The following PUF60 variants were observed in gnomAD, a reference collection of about 807,000 sequenced individuals.
PUF60 encodes poly(U)-binding-splicing factor PUF60.
In PUF60, 10 loss-of-function variants were observed where a neutral mutation model predicts 61.8. The ratio of observed to expected loss-of-function variants is 0.16; its 90% CI spans 0.10 to 0.27. PUF60 has a LOEUF of 0.27. Ranked by LOEUF, PUF60 falls within the 10% of genes least tolerant of loss-of-function variation. The pLI, the probability that PUF60 is intolerant of heterozygous loss-of-function variation, is 1.00. For missense variants in PUF60, 371 were observed against 754.0 expected (o/e 0.49, Z 5.95); for synonymous variants, 353 against 300.9 (o/e 1.17, Z -1.79).
Position 143,829,292 on chromosome 8 carries a change from C to T in PUF60, c.12G>A (p.Ala4=), listed in dbSNP as rs1408822660. Residue 4 remains alanine, a synonymous_variant, in exon 1 of 12, where the codon GCG becomes GCA. Coordinates refer to ENST00000526683, the MANE Select transcript of PUF60 (RefSeq NM_078480.3). ...GGGGCTCACTTACGAGAGCTATGGTCGCCGTCGCCATCTTGCGTCCGTCGC... is the reference window on the plus strand; with the variant it reads ...GGGGCTCACTTACGAGAGCTATGGTTGCCGTCGCCATCTTGCGTCCGTCGC... MAT[A]TIALQVNGQQ... The T allele has an allele frequency of 2.8e-5, 35 of 1,267,664 alleles. No homozygotes were observed. Among genetic ancestry groups the T allele is most frequent in the Non-Finnish European group, 3.3e-5 (33 of 999,796 alleles). 78.5% of individuals were successfully genotyped at this position (1,267,664 alleles called of 1,614,324 possible).
rs1295446425 is a variant in PUF60, at chr8:143,818,638, AGGGCTCCCCACATGACAGGGAGGTGC to A, written c.349-130_349-105del. ...CCACCCACCCAGCCCTGCTGTGGGG[AGGGCTCCCCACATGACAGGGAGGTGC>A]GGGCTCCATCCCTGCAGTCATAGTG... On this transcript the variant is annotated intron_variant, in intron 5 of 11. Transcript: ENST00000526683. The surrounding 1 kb of genome is among the most constrained non-coding windows in gnomAD (Gnocchi z 7.9). 4.8e-6 allele frequency: 6 copies of A among 1,251,314 alleles called. No homozygotes were observed. The highest frequency in any genetic ancestry group is 4.7e-5 in the African/African-American group (3 of 63,554). 77.5% of individuals were successfully genotyped at this position (1,251,314 alleles called of 1,614,324 possible).
At chr8:143,825,828 G>C (rs1447938255) in intron 1 of PUF60, among the ~76,000 whole-genome samples, 1 of 152,230 alleles carries the variant, frequency 6.6e-6, no homozygotes, top group Non-Finnish European at 1.5e-5. Context: ...AGATACCCGT[G>C]AACAGGGTGA....
chr8:143,816,445 C>CG lies in PUF60; in HGVS notation c.*74dup. ...GGGCTGGGCAGAGCGCGCCTGGCCC[C>CG]GGGGACACCACTGTATCACTATAAA... On this transcript the variant is annotated 3_prime_UTR_variant, in exon 12 of 12. Coordinates refer to ENST00000526683, the MANE Select transcript of PUF60 (RefSeq NM_078480.3). 1.3e-6 allele frequency: 2 copies of CG among 1,509,676 alleles called. No homozygotes were observed. The highest frequency in any genetic ancestry group is 1.8e-6 in the Non-Finnish European group (2 of 1,126,336). 93.5% of individuals were successfully genotyped at this position (1,509,676 alleles called of 1,614,324 possible). A position where few individuals can be genotyped will look rare whatever the true frequency, so the allele number is the denominator to read the frequency against.
At position 143,817,947 on chromosome 8, in the gene PUF60, G is replaced by A. The variant is rs373238114; in HGVS notation, c.732C>T (p.Ser244=). Residue 244 remains serine, a synonymous_variant, in exon 8 of 12, where the codon AGC becomes AGT. Transcript: ENST00000526683. The surrounding 1 kb of genome is among the most constrained non-coding windows in gnomAD (Gnocchi z 7.4). ...HQDLSDDDIK[S]VFEAFGKIKS... is the part of the protein sequence containing the mutation. ...TGATCTTGCCAAAGGCCTCAAACAC[G>A]CTCTTGATGTCATCGTCTGAGAGGT... The A allele has an allele frequency of 1.4e-5, 23 of 1,612,898 alleles. No homozygotes were observed. In the South Asian group the frequency reaches 1.5e-4, roughly 11 times the overall value.
intron 1 of PUF60, among the ~76,000 whole-genome samples, chr8:143,825,384 T>C (rs927270350): frequency 1.3e-5 from 2 of 152,220 alleles, no homozygotes; most frequent in African/African-American, 4.8e-5. Flanking sequence ...AGCCCGTGCC[T>C]GGAGCTGCTC....
chr8:143,816,634 G>A lies in PUF60; in HGVS notation c.1566C>T (p.Ala522=), dbSNP rs759126763. Reference sequence around the variant, plus strand: ...CCTGGATGGCCTTATGAGTCTCAGAGGCTATGGAAAACTCCACAAAGATCT... The same window carrying A: ...CCTGGATGGCCTTATGAGTCTCAGAAGCTATGGAAAACTCCACAAAGATCT... The part of the protein sequence containing the change: ...IVKIFVEFSI[A]SETHKAIQAL... Residue 522 remains alanine (A), a synonymous_variant, in exon 12 of 12, where the codon GCC becomes GCT. Transcript: ENST00000526683. The A allele has an allele frequency of 3.7e-6, 6 of 1,613,826 alleles. No individual in the cohort carries two copies. The highest frequency in any genetic ancestry group is 1.7e-4 in the Middle Eastern group (1 of 6,060).
intron 1 of PUF60, chr8:143,828,980 G>A (rs1554648992): frequency 5.0e-6 from 5 of 991,120 alleles, no homozygotes; most frequent in Non-Finnish European, 6.0e-6. Flanking sequence ...CCCGCTTGCC[G>A]GACCTAGCGG....
chr8:143,821,723 G>T, intron 3 of PUF60, 37 bp from the exon 4 acceptor site: 2 of 1,545,804 alleles, frequency 1.3e-6, no homozygotes, highest in East Asian at 2.4e-5. Flanking sequence ...TGGGGGCCCA[G>T]CCCATGGGAG....
chr8:143,818,445 G>A lies in PUF60; in HGVS notation c.438C>T (p.Arg146=). The A allele has an allele frequency of 2.5e-6, 4 of 1,612,102 alleles. No homozygotes were observed. The highest frequency in any genetic ancestry group is 2.5e-6 in the Non-Finnish European group (3 of 1,179,562). Residue 146 remains arginine, a synonymous_variant, in exon 6 of 12, where the codon CGC becomes CGT. Transcript: ENST00000526683. This position sits in a 1 kb window ranked among gnomAD's most constrained non-coding sequence, Gnocchi z 7.9. ...IYYELGEDTI[R]QAFAPFGPIK... ...TGGGGCCAAAGGGGGCAAAGGCCTG[G>A]CGGATGGTGTCCTCCCCCAGCTCAT...
chr8:143,822,262 G>A (rs1304812549), intron 2 of PUF60, among the ~76,000 whole-genome samples: 1 of 152,184 alleles, frequency 6.6e-6, no homozygotes, highest in African/African-American at 2.4e-5. Flanking sequence ...ATGCCCGGCA[G>A]GAGAGCCAGC....
chr8:143,818,594 A>G lies in PUF60; in HGVS notation c.349-60T>C. On this transcript the variant is annotated intron_variant, in intron 5 of 11. Coordinates refer to ENST00000526683, the MANE Select transcript of PUF60 (RefSeq NM_078480.3). This position sits in a 1 kb window ranked among gnomAD's most constrained non-coding sequence, Gnocchi z 7.9. ...CGTCAGGGGCGGCAGGAAGCTGGGCAGCCCACTCCCCTCCTGGCCCACCCA... is the reference window on the plus strand; with the variant it reads ...CGTCAGGGGCGGCAGGAAGCTGGGCGGCCCACTCCCCTCCTGGCCCACCCA... 6.7e-7 allele frequency: 1 copy of G among 1,488,390 alleles called. No individual in the cohort carries two copies. Among genetic ancestry groups the G allele is most frequent in the Non-Finnish European group, 9.0e-7 (1 of 1,113,708 alleles). The allele number at this position is 1,488,390 out of a possible 1,614,324, so 92.2% of individuals were successfully genotyped here.
Position 143,817,333 on chromosome 8 carries a change from G to A in PUF60, c.1142C>T (p.Thr381Ile). Residue 381 changes from threonine (T) to isoleucine (I), a missense_variant and splice_region_variant, in exon 10 of 12, where the codon ACA becomes ATA. Physicochemically the swap from Thr to Ile is moderately conservative, Grantham distance 89 (BLOSUM62 -1). Around this residue, in one of 13 missense-constraint regions of PUF60, gnomAD observed 31 missense variants for 61.6 expected, o/e 0.50. Transcript: ENST00000526683. The surrounding 1 kb of genome is among the most constrained non-coding windows in gnomAD (Gnocchi z 7.4). ...ATCTGGTACCACTTAAGACTCACCT[G>A]TGATGACTCCAGGTGCCTGGGCAGC... is the stretch of plus-strand genomic sequence containing the variant. ...VMAAQAPGVI[T>I]GVTPARPPIP... The A allele has an allele frequency of 1.3e-6, 2 of 1,588,900 alleles. No homozygotes were observed. Among genetic ancestry groups the A allele is most frequent in the Non-Finnish European group, 1.7e-6 (2 of 1,172,584 alleles).
In PUF60 at chr8:143,821,630, G is replaced by A. The variant is rs373891353; in HGVS notation, c.264C>T (p.Ile88=). Residue 88 remains isoleucine (I), a synonymous_variant, in exon 4 of 12, where the codon ATC becomes ATT. Coordinates refer to ENST00000526683, the MANE Select transcript of PUF60 (RefSeq NM_078480.3). ...TGGTGAGCTGCTGCTGCTGGTGCGC[G>A]ATGGTCTGCTTCACCAGCACACTCT... ...SIKSVLVKQT[I]AHQQQQLTNL... is the part of the protein sequence containing the mutation. 1.7e-5 allele frequency: 26 copies of A among 1,545,878 alleles called. No homozygotes were observed. The highest frequency in any genetic ancestry group is 1.9e-5 in the Non-Finnish European group (22 of 1,147,090).
chr8:143,824,409 G>C lies in PUF60; in HGVS notation c.25-10C>G. On this transcript the variant is annotated splice_polypyrimidine_tract_variant and intron_variant, in intron 1 of 11. Transcript: ENST00000526683. ...GCTGGCCATTGACCTGCTGCAGGCAGGAAGGAGATGTTGTAACGACAGGCA... is the reference window on the plus strand; with the variant it reads ...GCTGGCCATTGACCTGCTGCAGGCACGAAGGAGATGTTGTAACGACAGGCA... 1 of 1,610,740 alleles carries C rather than the reference G, an allele frequency of 6.2e-7. No homozygotes were observed. The highest frequency in any genetic ancestry group is 8.5e-7 in the Non-Finnish European group (1 of 1,179,654).
Position 143,816,503 on chromosome 8 carries a change from G to T in PUF60, c.*17C>A, listed in dbSNP as rs369253416. 1.9e-6 allele frequency: 3 copies of T among 1,594,986 alleles called. No homozygotes were observed. In the East Asian group the frequency reaches 6.7e-5, roughly 36 times the overall value. ...GGAAACAAGGAACAAGTGCAAGTCCGGGGAGAGGGACCACTGTCACGCAGA... is the reference window on the plus strand; with the variant it reads ...GGAAACAAGGAACAAGTGCAAGTCCTGGGAGAGGGACCACTGTCACGCAGA... On this transcript the variant is annotated 3_prime_UTR_variant, in exon 12 of 12. Coordinates refer to ENST00000526683, the MANE Select transcript of PUF60 (RefSeq NM_078480.3).
rs754840225 is a variant in PUF60, at chr8:143,817,055, A to G, written c.1235T>C (p.Leu412Pro). ...PILASPPTLG[L>P]LEPKKEKEEE... ...TTCCTTCTCCTTCTTGGGCTCCAGGAGACCCAGCGTTGGAGGGCTGGCCAG... is the reference window on the plus strand; with the variant it reads ...TTCCTTCTCCTTCTTGGGCTCCAGGGGACCCAGCGTTGGAGGGCTGGCCAG... The change falls in exon 11 of 12, where the codon CTC becomes CCC. Residue 412 changes from leucine to proline, a missense_variant. Coordinates refer to ENST00000526683, the MANE Select transcript of PUF60 (RefSeq NM_078480.3). The surrounding 1 kb of genome is among the most constrained non-coding windows in gnomAD (Gnocchi z 7.4). 1 of 1,611,556 alleles carries G rather than the reference A, an allele frequency of 6.2e-7. No homozygotes were observed.
At chr8:143,822,754 G>A in intron 2 of PUF60, 1 of 355,616 alleles carries the variant, frequency 2.8e-6, no homozygotes. Flanking sequence ...GAAGAACGCA[G>A]CTGTGTGAGC....
At chr8:143,819,856 G>C (rs1156941210) in intron 5 of PUF60, among the ~76,000 whole-genome samples, 1 of 151,958 alleles carries the variant, frequency 6.6e-6, no homozygotes, top group South Asian at 2.1e-4. Context: ...GGCAGGCCAA[G>C]AGCTCTCTCC....
rs1301332513 is a variant in PUF60 at position 143,818,782 on chromosome 8, T to C, written c.349-248A>G. 1.9e-5 allele frequency: 10 copies of C among 539,624 alleles called. 1 individual carries two copies. The Admixed American group carries it at 2.0e-4, about 11-fold the overall frequency. 33.4% of individuals were successfully genotyped at this position (539,624 alleles called of 1,614,324 possible). A position where few individuals can be genotyped will look rare whatever the true frequency, so the allele number is the denominator to read the frequency against. ...CAGCCCGCCAAGGTCCCAGGCAGAC[T>C]GCGGCAGCAAAGCCGACAGATGGTC... On this transcript the variant is annotated intron_variant, in intron 5 of 11. Coordinates refer to ENST00000526683, the MANE Select transcript of PUF60 (RefSeq NM_078480.3). This position sits in a 1 kb window ranked among gnomAD's most constrained non-coding sequence, Gnocchi z 7.9.
Sources: allele counts gnomAD v4.1 joint callset (sites outside exome capture counted in the v4.1 genomes callset), GRCh38; gene constraint gnomAD v4.1.1; regional missense constraint gnomAD v4.1.1; non-coding constraint Gnocchi (gnomAD v3.1); transcripts MANE v1.5; gene names NCBI Gene and HGNC (gene_info 2026-07-23, HGNC 2026-07-21).